The following GNAQ variants were observed in gnomAD, a reference collection of about 807,000 sequenced individuals.
GNAQ encodes guanine nucleotide-binding protein G(q) subunit alpha.
A neutral mutation model predicts 43.9 loss-of-function variants in GNAQ; 8 were observed. The ratio of observed to expected loss-of-function variants is 0.18; its 90% confidence interval spans 0.11 to 0.33. GNAQ has a LOEUF of 0.33. Ranked by LOEUF, GNAQ falls within the 10% of genes least tolerant of loss-of-function variation. The pLI is 1.00. For missense variants in GNAQ, 158 were observed against 450.8 expected (o/e 0.35, Z 5.88); for synonymous variants, 155 against 170.7 (o/e 0.91, Z 0.71).
chr9:77,913,621 G>A (rs527950688), intron 2 of GNAQ, among the ~76,000 whole-genome samples: 1 of 152,230 alleles, frequency 6.6e-6, no homozygotes, highest in South Asian at 2.1e-4. Flanking sequence ...CAAACACAAT[G>A]TTGAGTAAAA....
intron 1 of GNAQ, among the ~76,000 whole-genome samples, chr9:77,922,667 T>A (rs1039165401): frequency 6.6e-6 from 1 of 152,162 alleles, no homozygotes; most frequent in African/African-American, 2.4e-5. Flanking sequence ...CTTTTGAACA[T>A]GATAAAACTT....
chr9:77,734,586 G>A (rs966704069), intron 5 of GNAQ, among the ~76,000 whole-genome samples: 5 of 152,156 alleles, frequency 3.3e-5, no homozygotes, highest in Admixed American at 2.0e-4. Context: ...CAGAGAAACT[G>A]TGATAAAACT....
intron 1 of GNAQ, among the ~76,000 whole-genome samples, chr9:78,010,967 C>T (rs1823766040): frequency 6.6e-6 from 1 of 152,108 alleles, no homozygotes; most frequent in Non-Finnish European, 1.5e-5. Flanking sequence ...ATCTGTTTTC[C>T]CCTCTGACTT....
At chr9:78,021,970 A>G (rs1287898539) in intron 1 of GNAQ, among the ~76,000 whole-genome samples, 1 of 152,168 alleles carries the variant, frequency 6.6e-6, no homozygotes, top group African/African-American at 2.4e-5. Flanking sequence ...ACCCATGCTG[A>G]TATGACAGGA....
chr9:77,927,497 A>G (rs1406220202), intron 1 of GNAQ, among the ~76,000 whole-genome samples: 1 of 152,100 alleles, frequency 6.6e-6, no homozygotes, highest in Non-Finnish European at 1.5e-5. Flanking sequence ...GCCCATTTCC[A>G]TACAAGGGCT....
At chr9:77,779,598 G>T (rs1030401795) in intron 5 of GNAQ, among the ~76,000 whole-genome samples, 1 of 131,048 alleles carries the variant, frequency 7.6e-6, no homozygotes, top group South Asian at 2.4e-4. Flanking sequence ...GAAATCAACA[G>T]AAGAAAATGA....
intron 1 of GNAQ, among the ~76,000 whole-genome samples, chr9:78,002,403 G>A (rs181572348): frequency 1.0e-3 from 155 of 152,140 alleles, no homozygotes; most frequent in Middle Eastern, 3.4e-3. Context: ...AGAAAGATAC[G>A]CTGAAAAAGA....
At chr9:77,734,853 G>A (rs773620645) in intron 5 of GNAQ, among the ~76,000 whole-genome samples, 6 of 152,182 alleles carry the variant, frequency 3.9e-5, no homozygotes, top group Non-Finnish European at 7.3e-5. Context: ...ACATGAGCAT[G>A]TCTATAAAGT....
chr9:77,821,928 C>T (rs1013933473), intron 2 of GNAQ, among the ~76,000 whole-genome samples: 7 of 152,024 alleles, frequency 4.6e-5, no homozygotes, highest in African/African-American at 1.7e-4. Context: ...CAAAGAATAT[C>T]TGAGGAACAT....
intron 5 of GNAQ, among the ~76,000 whole-genome samples, chr9:77,734,394 A>C (rs2118238106): frequency 6.6e-6 from 1 of 152,320 alleles, no homozygotes; most frequent in Admixed American, 6.5e-5. Flanking sequence ...ACATTGATAA[A>C]CCATATTGAA....
At chr9:77,805,589 A>G (rs1826816679) in intron 3 of GNAQ, among the ~76,000 whole-genome samples, 1 of 152,126 alleles carries the variant, frequency 6.6e-6, no homozygotes, top group South Asian at 2.1e-4. Flanking sequence ...TATTTTTAGT[A>G]GAGATGGGGT....
At chr9:77,974,905 T>A (rs965039291) in intron 1 of GNAQ, among the ~76,000 whole-genome samples, 1 of 152,244 alleles carries the variant, frequency 6.6e-6, no homozygotes, top group African/African-American at 2.4e-5. Flanking sequence ...GAAATATTCT[T>A]GTACAGTGTT....
chr9:77,941,098 A>T (rs1010703948), intron 1 of GNAQ, among the ~76,000 whole-genome samples: 19 of 152,262 alleles, frequency 1.2e-4, no homozygotes, highest in Admixed American at 1.0e-3. Flanking sequence ...AATGGCAATG[A>T]CATAATATTT....
intron 5 of GNAQ, among the ~76,000 whole-genome samples, chr9:77,755,562 G>C (rs890235434): frequency 1.3e-5 from 2 of 152,102 alleles, no homozygotes; most frequent in African/African-American, 2.4e-5. Flanking sequence ...ATTTTGGTAA[G>C]AACATGTTTG....
At position 77,721,119 on chromosome 9, in the gene GNAQ, G is replaced by A; in HGVS notation, c.*204C>T. 1 of 477,720 alleles carries A rather than the reference G, an allele frequency of 2.1e-6. No individual in the cohort carries two copies. 29.6% of individuals were successfully genotyped at this position (477,720 alleles called of 1,614,324 possible). A position where few individuals can be genotyped will look rare whatever the true frequency, so the allele number is the denominator to read the frequency against. On this transcript the variant is annotated 3_prime_UTR_variant, in exon 7 of 7. Transcript: ENST00000286548. ...GATAGAGAGGAAATGTGCTGGGACT[G>A]TACTTCAGCATCCTCTGTTTTTCCT...
intron 5 of GNAQ, among the ~76,000 whole-genome samples, chr9:77,733,145 G>A (rs1029943666): frequency 6.6e-6 from 1 of 152,144 alleles, no homozygotes; most frequent in Non-Finnish European, 1.5e-5. Flanking sequence ...GGAGAAAGAT[G>A]GGTACCTGCT....
chr9:77,728,410 G>C, intron 6 of GNAQ, 104 bp downstream of exon 6: 1 of 800,224 alleles, frequency 1.2e-6, no homozygotes, highest in South Asian at 1.4e-5. Context: ...GGCTGCACAG[G>C]GCAAGGGCAG....
At chr9:77,939,038 G>T (rs1444344564) in intron 1 of GNAQ, among the ~76,000 whole-genome samples, 1 of 152,134 alleles carries the variant, frequency 6.6e-6, no homozygotes, top group Non-Finnish European at 1.5e-5. Flanking sequence ...GGGTTCTCTG[G>T]GTGTGAGGGT....
At chr9:77,847,928 G>T (rs779037527) in intron 2 of GNAQ, among the ~76,000 whole-genome samples, 15 of 152,210 alleles carry the variant, frequency 9.9e-5, no homozygotes, top group Non-Finnish European at 1.8e-4. Context: ...CTCTATGGTA[G>T]CAGCAGACCT....
Sources: gnomAD v4.1 joint callset for allele counts (sites outside exome capture counted in the v4.1 genomes callset) on GRCh38, gnomAD v4.1.1 for gene constraint, MANE v1.5 for transcripts, NCBI Gene and HGNC (gene_info 2026-07-23, HGNC 2026-07-21) for gene names.